Variants in AFDN observed in about 807,000 individuals in gnomAD.
AFDN encodes the protein afadin, adherens junction formation factor, also known as afadin.
AFDN carries 68 observed loss-of-function variants against 216.6 expected under a neutral mutation model. The ratio of observed to expected loss-of-function variants is 0.31; its 90% CI spans 0.26 to 0.38. The LOEUF (loss-of-function observed/expected upper bound fraction) is 0.38, where lower values mean the gene tolerates loss of function less well. Among genes scored for constraint, AFDN ranks in the 10% least tolerant of loss-of-function variants. AFDN has a pLI of 1.00. For missense variants in AFDN, 2,136 were observed against 2,342.0 expected, an observed-to-expected ratio of 0.91 and a Z score of 1.82; for synonymous variants, 868 against 853.7, an observed-to-expected ratio of 1.02 and a Z score of -0.29.
At chr6:167,955,476 A>G (rs1796406073) in intron 30 of AFDN, among the ~76,000 whole-genome samples, 1 of 152,182 alleles carries the variant, frequency 6.6e-6, no homozygotes, top group African/African-American at 2.4e-5. Context: ...GTTTTGATGT[A>G]CATAAGTGTA....
Position 167,915,147 on chromosome 6 carries a change from C to G in AFDN, c.2300-21C>G. 1.9e-6 allele frequency: 3 copies of G among 1,612,156 alleles called. No homozygotes were observed. The South Asian group carries it at 3.3e-5, about 18-fold the overall frequency. On this transcript the variant is annotated intron_variant, in intron 18 of 33. Transcript: ENST00000683244. ...CTGGATGACATTTTGCTCCTCTTGT[C>G]CTCTCACCCTGTCTGGGCAGATGAT... is the stretch of plus-strand genomic sequence containing the variant.
rs192955088 is a variant in AFDN, at chr6:167,860,968, G to C, written c.106-3583G>C. On this transcript the variant is annotated intron_variant, in intron 1 of 33. Coordinates refer to ENST00000683244, the MANE Select transcript of AFDN (RefSeq NM_001386888.1). ...AATAATTAGTGTCAAACTCCCAGCA[G>C]AGCATGGTGATGTAGGCAGGTCTGG... 8.3e-3 allele frequency among the ~76,000 whole-genome samples: 1,264 copies of C among 152,268 alleles called. 9 individuals are homozygous for C. The highest frequency in any genetic ancestry group is 0.014 in the Non-Finnish European group (926 of 68,016).
chr6:167,862,345 G>A (rs538616499), intron 1 of AFDN, among the ~76,000 whole-genome samples: 3 of 152,108 alleles, frequency 2.0e-5, no homozygotes, highest in African/African-American at 7.2e-5. Flanking sequence ...TAGTGTAGGA[G>A]CATGTTTCGC....
chr6:167,969,203 G>A lies in AFDN; in HGVS notation c.5342+5G>A. The A allele has an allele frequency of 5.6e-6, 9 of 1,611,812 alleles. No individual in the cohort carries two copies. The highest frequency in any genetic ancestry group is 7.6e-6 in the Non-Finnish European group (9 of 1,177,960). ...AAAAGAGAAGCGCTCTAAAAGGTAT[G>A]GACGGTTGCACTAGACGAGGAACTT... On this transcript the variant is annotated splice_donor_5th_base_variant and intron_variant, in intron 33 of 33. Transcript: ENST00000683244.
intron 31 of AFDN, chr6:167,963,119 G>A (rs756416025): frequency 3.8e-5 from 39 of 1,030,598 alleles, no homozygotes; most frequent in East Asian, 5.3e-5. Flanking sequence ...TTATTTTCAT[G>A]TGTGTGTGTG....
intron 23 of AFDN, among the ~76,000 whole-genome samples, chr6:167,929,967 G>T (rs1301707105): frequency 6.6e-6 from 1 of 152,188 alleles, no homozygotes; most frequent in Admixed American, 6.5e-5. Flanking sequence ...ATGGGTTTAG[G>T]CCGAGGCAGG....
intron 13 of AFDN, among the ~76,000 whole-genome samples, chr6:167,910,769 T>C (rs1199770118): frequency 2.0e-5 from 3 of 152,196 alleles, no homozygotes; most frequent in Non-Finnish European, 4.4e-5. Flanking sequence ...GTTTTCAGTG[T>C]TACCTGAGCC....
chr6:167,953,119 G>A (rs1398390737), intron 30 of AFDN, among the ~76,000 whole-genome samples: 1 of 152,074 alleles, frequency 6.6e-6, no homozygotes, highest in Non-Finnish European at 1.5e-5. Context: ...GAGTTTTAGT[G>A]ATTTTTTTTT....
At chr6:167,842,127 C>T (rs1781139251) in intron 1 of AFDN, among the ~76,000 whole-genome samples, 1 of 152,114 alleles carries the variant, frequency 6.6e-6, no homozygotes, top group South Asian at 2.1e-4. Flanking sequence ...ACTCATTTAA[C>T]CCTTGCCTTT....
At chr6:167,845,374 A>ATTTCT (rs1314300842) in intron 1 of AFDN, among the ~76,000 whole-genome samples, 2 of 151,796 alleles carry the variant, frequency 1.3e-5, no homozygotes, top group African/African-American at 2.4e-5. Context: ...TTAAATGAAT[A>ATTTCT]TTTCTTTTCT....
chr6:167,839,595 T>C (rs1455778174), intron 1 of AFDN, among the ~76,000 whole-genome samples: 1 of 152,156 alleles, frequency 6.6e-6, no homozygotes, highest in African/African-American at 2.4e-5. Flanking sequence ...GAGGGAGCGG[T>C]AACTGGCACT....
At chr6:167,964,952 A>G (rs1412090585) in intron 31 of AFDN, 10 of 1,055,494 alleles carry the variant, frequency 9.5e-6, no homozygotes, top group Admixed American at 5.5e-5. Flanking sequence ...AACACTGTCA[A>G]CTGTAGTTTG....
chr6:167,899,861 A>G (rs1788727779), intron 11 of AFDN, among the ~76,000 whole-genome samples: 2 of 152,178 alleles, frequency 1.3e-5, no homozygotes, highest in Non-Finnish European at 1.5e-5. Context: ...TCCTAGTGTT[A>G]CTGTCCATCT....
chr6:167,942,066 T>G lies in AFDN; in HGVS notation c.3100-1063T>G, dbSNP rs190698188. Among the ~76,000 whole-genome samples, 1,106 of 151,896 alleles carry G rather than the reference T, an allele frequency of 7.3e-3. 18 individuals carry two copies. The highest frequency in any genetic ancestry group is 0.022 in the African/African-American group (903 of 41,416). On this transcript the variant is annotated intron_variant, in intron 23 of 33. Coordinates refer to ENST00000683244, the MANE Select transcript of AFDN (RefSeq NM_001386888.1). ...AATTTGACCTGCTACAGGCGTTTTGTTTTGGTTTGGTTTGGTTTGGTTTGG... is the reference window on the plus strand; with the variant it reads ...AATTTGACCTGCTACAGGCGTTTTGGTTTGGTTTGGTTTGGTTTGGTTTGG...
chr6:167,948,629 G>A, intron 29 of AFDN, 151 bp downstream of exon 29: 3 of 685,466 alleles, frequency 4.4e-6, no homozygotes, highest in Non-Finnish European at 7.0e-6. Flanking sequence ...GAAAAAAGGA[G>A]ACAGGATAGA....
At chr6:167,848,554 G>C (rs766700881) in intron 1 of AFDN, among the ~76,000 whole-genome samples, 6 of 152,052 alleles carry the variant, frequency 3.9e-5, no homozygotes, top group Non-Finnish European at 8.8e-5. Context: ...GAACAGTCTT[G>C]TCCATGTTTT....
chr6:167,907,605 T>C (rs957273164), intron 13 of AFDN, among the ~76,000 whole-genome samples: 1 of 152,322 alleles, frequency 6.6e-6, no homozygotes, highest in East Asian at 1.9e-4. Flanking sequence ...TATTTGATGA[T>C]TTTTGTATTT....
chr6:167,914,357 A>T, intron 17 of AFDN, 44 bp downstream of exon 17: 1 of 1,587,372 alleles, frequency 6.3e-7, no homozygotes, highest in Non-Finnish European at 8.6e-7. Flanking sequence ...TAAATAATTA[A>T]GTCATTTGTT....
At chr6:167,832,427 T>C (rs1385968506) in intron 1 of AFDN, among the ~76,000 whole-genome samples, 3 of 152,166 alleles carry the variant, frequency 2.0e-5, no homozygotes, top group African/African-American at 7.2e-5. Context: ...GGCTGAGAGG[T>C]GGCAAGGGAG....
Sources: allele counts gnomAD v4.1 joint callset (sites outside exome capture counted in the v4.1 genomes callset), GRCh38; gene constraint gnomAD v4.1.1; transcripts MANE v1.5; gene names NCBI Gene and HGNC (gene_info 2026-07-23, HGNC 2026-07-21).